The following SLC16A2 variants were observed in gnomAD, a reference collection of about 807,000 sequenced individuals.
SLC16A2 encodes the protein monocarboxylate transporter 8.
A neutral mutation model predicts 27.2 loss-of-function variants in SLC16A2; 3 were observed. The observed-to-expected ratio is 0.11, with a 90% CI of 0.05 to 0.28. SLC16A2 has a LOEUF of 0.28. SLC16A2 is among the 10% of genes least tolerant of loss of function. The probability of loss-of-function intolerance (pLI) is 1.00; values close to 1 mark genes in which losing one functional copy is unlikely to be tolerated. For synonymous variants in SLC16A2, 202 were observed against 187.8 expected, an observed-to-expected ratio of 1.08 and a Z score of -0.62; for missense variants, 295 against 458.5, an observed-to-expected ratio of 0.64 and a Z score of 3.26.
rs1029586584 is a variant in SLC16A2, at chrX:74,445,174, G to A, written c.430+23107G>A. On this transcript the variant is annotated intron_variant, in intron 1 of 5. Transcript: ENST00000587091. ...TAATAAGTGGCAAGTTCTAAGTTGCGTGTGTGTGTGTGTGCTTGCACATGT... is the reference window on the plus strand; with the variant it reads ...TAATAAGTGGCAAGTTCTAAGTTGCATGTGTGTGTGTGTGCTTGCACATGT... 6.3e-5 allele frequency among the ~76,000 whole-genome samples: 7 copies of A among 110,705 alleles called. No individual in the cohort carries two copies. The East Asian group carries it at 8.5e-4, about 13-fold the overall frequency.
intron 1 of SLC16A2, among the ~76,000 whole-genome samples, chrX:74,484,713 A>T: frequency 9.0e-6 from 1 of 111,669 alleles, no homozygotes; most frequent in Non-Finnish European, 1.9e-5. Flanking sequence ...TTTTTGGCCA[A>T]GATTTGGCAC....
intron 1 of SLC16A2, among the ~76,000 whole-genome samples, chrX:74,458,176 C>A: frequency 9.0e-6 from 1 of 111,566 alleles, no homozygotes; most frequent in Non-Finnish European, 1.9e-5. Context: ...TGGCCTCCCC[C>A]TCATCCTAGC....
intron 1 of SLC16A2, among the ~76,000 whole-genome samples, chrX:74,429,740 G>A (rs942864527): frequency 6.3e-5 from 7 of 111,846 alleles, no homozygotes; most frequent in East Asian, 2.8e-4. Flanking sequence ...TGTCCAAGCC[G>A]GTTAGCACAG....
chrX:74,529,607 AAC>A (rs1484961837), intron 5 of SLC16A2, among the ~76,000 whole-genome samples, 166 bp downstream of exon 5: 1 of 111,392 alleles, frequency 9.0e-6, no homozygotes, highest in Non-Finnish European at 1.9e-5. Flanking sequence ...GAAGAGATTA[AAC>A]ACAGTACACA....
chrX:74,421,934 C>T lies in SLC16A2; in HGVS notation c.297C>T (p.Phe99=). Residue 99 remains phenylalanine (F), a synonymous_variant, in exon 1 of 6, where the codon TTC becomes TTT. Coordinates refer to ENST00000587091, the MANE Select transcript of SLC16A2 (RefSeq NM_006517.5). ...ARGFQPPEGG[F]GWVVVFAATW... ...GCTTCCAGCCTCCCGAAGGTGGCTTCGGCTGGGTGGTGGTGTTCGCTGCCA... is the reference window on the plus strand; with the variant it reads ...GCTTCCAGCCTCCCGAAGGTGGCTTTGGCTGGGTGGTGGTGTTCGCTGCCA... The T allele has an allele frequency of 8.3e-7, 1 of 1,211,110 alleles. No individual in the cohort carries two copies. The highest frequency in any genetic ancestry group is 1.1e-6 in the Non-Finnish European group (1 of 895,413).
intron 1 of SLC16A2, among the ~76,000 whole-genome samples, chrX:74,438,296 G>A (rs998195466): frequency 2.7e-5 from 3 of 112,690 alleles, no homozygotes; most frequent in Admixed American, 1.9e-4. Context: ...ACAGTCTTAC[G>A]ATAAGGTTCA....
At chrX:74,507,273 TA>T (rs1930152539) in intron 1 of SLC16A2, among the ~76,000 whole-genome samples, 1 of 111,371 alleles carries the variant, frequency 9.0e-6, no homozygotes, top group South Asian at 3.7e-4. Context: ...TGATTTTTTT[TA>T]TTTTTGTTTT....
chrX:74,424,895 G>C (rs1165672137), intron 1 of SLC16A2, among the ~76,000 whole-genome samples: 1 of 111,858 alleles, frequency 8.9e-6, no homozygotes, highest in Non-Finnish European at 1.9e-5. Flanking sequence ...ATCTTGCTCT[G>C]TTGACCAGGT....
At position 74,520,998 on chromosome X, in the gene SLC16A2, G is replaced by A. The variant is rs1602140936; in HGVS notation, c.439G>A (p.Gly147Arg). 8.3e-7 allele frequency: 1 copy of A among 1,211,445 alleles called. No individual in the cohort carries two copies. Reference sequence around the variant, plus strand: ...ACTTGTTTTCTCTGCAGCATGGGTCGGAGCCCTCGCGATGGGTATGATCTT... The same window carrying A: ...ACTTGTTTTCTCTGCAGCATGGGTCAGAGCCCTCGCGATGGGTATGATCTT... ...RQVEFQAAWV[G>R]ALAMGMIFFC... The change falls in exon 2 of 6, where the codon GGA (glycine) becomes AGA (arginine). Residue 147 changes from glycine to arginine, a missense_variant. Around this residue, in one of 3 missense-constraint regions of SLC16A2, gnomAD observed 59 missense variants for 153.6 expected, o/e 0.38. Transcript: ENST00000587091.
chrX:74,500,814 A>G (rs767700212), intron 1 of SLC16A2, among the ~76,000 whole-genome samples: 45 of 111,274 alleles, frequency 4.0e-4, no homozygotes, highest in Non-Finnish European at 7.4e-4. Context: ...ACAGCAATCG[A>G]TTGCAGAACT....
At chrX:74,441,732 T>C (rs1212621546) in intron 1 of SLC16A2, among the ~76,000 whole-genome samples, 1 of 111,035 alleles carries the variant, frequency 9.0e-6, no homozygotes, top group Non-Finnish European at 1.9e-5. Context: ...AACCTTGATC[T>C]CTATTAGAGA....
intron 1 of SLC16A2, among the ~76,000 whole-genome samples, chrX:74,519,573 G>A (rs771937350): frequency 1.9e-5 from 2 of 104,950 alleles, no homozygotes; most frequent in African/African-American, 3.4e-5. Flanking sequence ...AAAATTAGCC[G>A]GGCGTGGTGG....
At chrX:74,451,936 A>G (rs1159023989) in intron 1 of SLC16A2, among the ~76,000 whole-genome samples, 1 of 112,830 alleles carries the variant, frequency 8.9e-6, no homozygotes, top group Non-Finnish European at 1.9e-5. Context: ...ATGTGCTACC[A>G]TTAATAAGGG....
intron 1 of SLC16A2, among the ~76,000 whole-genome samples, chrX:74,460,511 G>A (rs1270685754): frequency 8.9e-6 from 1 of 111,902 alleles, no homozygotes; most frequent in Non-Finnish European, 1.9e-5. Flanking sequence ...CCCTGCATAT[G>A]CAATCCCATT....
At chrX:74,502,470 C>G (rs1930052965) in intron 1 of SLC16A2, among the ~76,000 whole-genome samples, 1 of 111,434 alleles carries the variant, frequency 9.0e-6, no homozygotes, top group Admixed American at 9.6e-5. Flanking sequence ...ATTCAAAGAT[C>G]TCTACACTCA....
intron 1 of SLC16A2, among the ~76,000 whole-genome samples, chrX:74,439,481 T>C (rs1434528834): frequency 2.0e-5 from 2 of 97,853 alleles, no homozygotes; most frequent in Non-Finnish European, 4.1e-5. Flanking sequence ...CGGCTAATTT[T>C]TTTTTTTTTT....
intron 1 of SLC16A2, among the ~76,000 whole-genome samples, chrX:74,424,184 C>T (rs1222352840): frequency 1.8e-5 from 2 of 110,434 alleles, no homozygotes; most frequent in Non-Finnish European, 3.8e-5. Flanking sequence ...GGGCTGAGGT[C>T]ACTGGTTTAA....
intron 1 of SLC16A2, among the ~76,000 whole-genome samples, chrX:74,444,159 A>T (rs189515696): frequency 1.9e-3 from 211 of 111,037 alleles, no homozygotes; most frequent in African/African-American, 6.7e-3. Context: ...GAAAATTAAT[A>T]TGGGGAAGGG....
intron 1 of SLC16A2, among the ~76,000 whole-genome samples, chrX:74,509,741 T>C (rs1930198142): frequency 9.0e-6 from 1 of 111,375 alleles, no homozygotes; most frequent in South Asian, 3.8e-4. Context: ...TTTTTTTGTA[T>C]TTTTTTAGTA....
Sources: gnomAD v4.1 joint callset for allele counts (sites outside exome capture counted in the v4.1 genomes callset) on GRCh38, gnomAD v4.1.1 for gene constraint, gnomAD v4.1.1 regional missense constraint, MANE v1.5 for transcripts, NCBI Gene and HGNC (gene_info 2026-07-23, HGNC 2026-07-21) for gene names.